ELOVL5: variants seen among roughly 807,000 people sequenced by gnomAD.
ELOVL5 encodes the protein very long chain fatty acid elongase 5.
A neutral mutation model predicts 38.6 loss-of-function variants in ELOVL5; 8 were observed. The ratio of observed to expected loss-of-function variants is 0.21; its 90% CI spans 0.12 to 0.37. The LOEUF (loss-of-function observed/expected upper bound fraction) is 0.37, where lower values mean the gene tolerates loss of function less well. Ranked by LOEUF, ELOVL5 falls within the 10% of genes least tolerant of loss-of-function variation. The pLI is 1.00. For missense variants in ELOVL5, 280 were observed against 367.8 expected (o/e 0.76, Z 1.95); for synonymous variants, 127 against 133.7 (o/e 0.95, Z 0.34).
intron 1 of ELOVL5, among the ~76,000 whole-genome samples, chr6:53,330,517 CTTTTTTTTTTT>C (rs757160862): frequency 1.1e-5 from 1 of 91,394 alleles, no homozygotes; most frequent in Admixed American, 1.5e-4. Context: ...TCTTTATAAA[CTTTTTTTTTTT>C]TTTTTTTTTT....
intron 1 of ELOVL5, among the ~76,000 whole-genome samples, chr6:53,310,240 A>G (rs1767776026): frequency 6.6e-6 from 1 of 152,214 alleles, no homozygotes; most frequent in South Asian, 2.1e-4. Flanking sequence ...GGAAAACAAT[A>G]CAACACTTTT....
intron 1 of ELOVL5, among the ~76,000 whole-genome samples, chr6:53,317,738 TA>T (rs1451268451): frequency 6.6e-6 from 1 of 150,992 alleles, no homozygotes; most frequent in Non-Finnish European, 1.5e-5. Flanking sequence ...GGCACGTGTA[TA>T]CATATGTAAC....
intron 1 of ELOVL5, among the ~76,000 whole-genome samples, chr6:53,303,344 T>C (rs903231049): frequency 1.3e-5 from 2 of 152,224 alleles, no homozygotes; most frequent in African/African-American, 4.8e-5. Flanking sequence ...GGATTAAATC[T>C]TGGCTCAAAA....
Position 53,332,091 on chromosome 6 carries a change from C to T in ELOVL5, c.-9+16726G>A, listed in dbSNP as rs371183761. Among the ~76,000 whole-genome samples, 128 of 152,304 alleles carry T rather than the reference C, an allele frequency of 8.4e-4. 1 individual carries two copies. Among genetic ancestry groups the T allele is most frequent in the Non-Finnish European group, 1.1e-3 (76 of 68,026 alleles). Reference sequence around the variant, plus strand: ...GGCACCAAGTCACTCATGAGGGATTCGTCTCCATGACCCAAACACCTCCGA... The same window carrying T: ...GGCACCAAGTCACTCATGAGGGATTTGTCTCCATGACCCAAACACCTCCGA... On this transcript the variant is annotated intron_variant, in intron 1 of 7. Coordinates refer to ENST00000304434, the MANE Select transcript of ELOVL5 (RefSeq NM_021814.5).
chr6:53,320,668 T>C (rs1768268658), intron 1 of ELOVL5, among the ~76,000 whole-genome samples: 1 of 152,104 alleles, frequency 6.6e-6, no homozygotes, highest in Admixed American at 6.5e-5. Flanking sequence ...TTTTCTACTA[T>C]GCTAGGACAT....
intron 1 of ELOVL5, among the ~76,000 whole-genome samples, chr6:53,303,273 G>C (rs941405684): frequency 2.0e-5 from 3 of 152,172 alleles, no homozygotes; most frequent in South Asian, 2.1e-4. Context: ...CTTTAGAAAT[G>C]AAAGTAACTT....
Position 53,295,672 on chromosome 6 carries a change from T to C in ELOVL5, c.28A>G (p.Thr10Ala). The change falls in exon 2 of 8, where the codon ACC becomes GCC. Residue 10 changes from threonine to alanine, a missense_variant. By Grantham distance (58) the Thr-to-Ala change is moderately conservative (BLOSUM62 0). Around this residue, in one of 3 missense-constraint regions of ELOVL5, gnomAD observed 150 missense variants for 178.0 expected, o/e 0.84. Coordinates refer to ENST00000304434, the MANE Select transcript of ELOVL5 (RefSeq NM_021814.5). MEHFDASLS[T>A]YFKALLGPRD... ...GGGCCTAGCAATGCCTTGAAATAGG[T>C]ACTAAGTGATGCATCAAAATGTTCC... 1 of 1,597,442 alleles carries C rather than the reference T, an allele frequency of 6.3e-7. No individual in the cohort carries two copies. Among genetic ancestry groups the C allele is most frequent in the Admixed American group, 1.8e-5 (1 of 55,118 alleles).
In ELOVL5 at chr6:53,295,644, C is replaced by T. The variant is rs1766962564; in HGVS notation, c.56G>A (p.Arg19Gln). Residue 19 changes from arginine (R) to glutamine (Q), a missense_variant and splice_region_variant, in exon 2 of 8, where the codon CGA becomes CAA. By Grantham distance (43) the Arg-to-Gln change is conservative. Coordinates refer to ENST00000304434, the MANE Select transcript of ELOVL5 (RefSeq NM_021814.5). ...STYFKALLGPRDTRVKGWFLL... is the reference protein window; with the variant it reads ...STYFKALLGPQDTRVKGWFLL... ...AGCAAAACCAAAAACCACCTTACCT[C>T]GAGGGCCTAGCAATGCCTTGAAATA... 6.2e-7 allele frequency: 1 copy of T among 1,601,666 alleles called. No homozygotes were observed. The highest frequency in any genetic ancestry group is 2.3e-5 in the East Asian group (1 of 44,368).
chr6:53,309,081 T>A (rs1210887070), intron 1 of ELOVL5, among the ~76,000 whole-genome samples: 3 of 152,148 alleles, frequency 2.0e-5, no homozygotes, highest in Non-Finnish European at 1.5e-5. Context: ...TTTTGGGGGA[T>A]GCTGTTGCAG....
At chr6:53,275,863 G>C (rs1305259556) in intron 4 of ELOVL5, among the ~76,000 whole-genome samples, 2 of 152,136 alleles carry the variant, frequency 1.3e-5, no homozygotes, top group African/African-American at 4.8e-5. Context: ...AAAGTACTTG[G>C]ATGAATGATT....
intron 5 of ELOVL5, 48 bp downstream of exon 5, chr6:53,275,042 T>C (rs1314725125): frequency 6.4e-7 from 1 of 1,569,660 alleles, no homozygotes; most frequent in African/African-American, 1.4e-5. Flanking sequence ...GTTTCAACTC[T>C]CCTCCCTGCT....
At position 53,289,699 on chromosome 6, in the gene ELOVL5, G is replaced by A. The variant is rs147929610; in HGVS notation, c.246+2077C>T. On this transcript the variant is annotated intron_variant, in intron 3 of 7. Coordinates refer to ENST00000304434, the MANE Select transcript of ELOVL5 (RefSeq NM_021814.5). ...GGCGCCACTGCACTCCAGCCTGGGC[G>A]ACAAGAGTGAAACTGTCTCAAAACA... Among the ~76,000 whole-genome samples the A allele has an allele frequency of 5.1e-3, 783 of 152,344 alleles. 44 individuals are homozygous for A. The East Asian group carries it at 0.12, about 24-fold the overall frequency.
At chr6:53,332,604 T>G (rs1581991376) in intron 1 of ELOVL5, among the ~76,000 whole-genome samples, 1 of 150,608 alleles carries the variant, frequency 6.6e-6, no homozygotes, top group Admixed American at 6.6e-5. Context: ...GGAGAGGGAG[T>G]GAAATGGAGA....
intron 3 of ELOVL5, chr6:53,287,755 T>C: frequency 7.5e-6 from 7 of 928,062 alleles, no homozygotes; most frequent in Non-Finnish European, 1.0e-5. Context: ...GCATAACAGA[T>C]CGGCTAAGAA....
At chr6:53,319,634 T>C (rs1768217010) in intron 1 of ELOVL5, among the ~76,000 whole-genome samples, 1 of 152,228 alleles carries the variant, frequency 6.6e-6, no homozygotes, top group South Asian at 2.1e-4. Context: ...TAATATTCCC[T>C]ATTTCCTTCT....
At chr6:53,318,982 T>C (rs972374001) in intron 1 of ELOVL5, among the ~76,000 whole-genome samples, 6 of 151,930 alleles carry the variant, frequency 3.9e-5, no homozygotes, top group Admixed American at 6.6e-5. Context: ...TCAATTTTCA[T>C]TGGAAATATC....
intron 1 of ELOVL5, among the ~76,000 whole-genome samples, chr6:53,307,767 G>A (rs148892676): frequency 2.9e-4 from 44 of 152,338 alleles, no homozygotes; most frequent in African/African-American, 1.0e-3. Flanking sequence ...GCAGGCCAGT[G>A]TCTATCCCAA....
intron 1 of ELOVL5, among the ~76,000 whole-genome samples, chr6:53,337,683 A>G (rs1006693320): frequency 6.6e-6 from 1 of 152,236 alleles, no homozygotes; most frequent in Non-Finnish European, 1.5e-5. Flanking sequence ...TGTGCCAGAT[A>G]AACATGGCAG....
chr6:53,267,648 C>CTA lies in ELOVL5; in HGVS notation c.*1477_*1478dup, dbSNP rs1303642844. ...CTTTTCAAACAGAAAACCCACAAGACTAATAGAGAACCAATAGGCTCCCTA... is the reference window on the plus strand; with the variant it reads ...CTTTTCAAACAGAAAACCCACAAGACTATAATAGAGAACCAATAGGCTCCCTA... On this transcript the variant is annotated 3_prime_UTR_variant, in exon 8 of 8. Transcript: ENST00000304434. 6.6e-6 allele frequency: 1 copy of CTA among 152,598 alleles called. No homozygotes were observed. The highest frequency in any genetic ancestry group is 2.4e-5 in the African/African-American group (1 of 41,444). 9.5% of individuals were successfully genotyped at this position (152,598 alleles called of 1,614,324 possible).
Sources: allele counts gnomAD v4.1 joint callset (sites outside exome capture counted in the v4.1 genomes callset), GRCh38; gene constraint gnomAD v4.1.1; regional missense constraint gnomAD v4.1.1; transcripts MANE v1.5; gene names NCBI Gene and HGNC (gene_info 2026-07-23, HGNC 2026-07-21).